The following NPRL3 variants were observed in gnomAD, a reference collection of about 807,000 sequenced individuals.
NPRL3 encodes the protein NPR3 like, GATOR1 complex subunit, also known as GATOR1 complex protein NPRL3.
NPRL3 carries 23 observed loss-of-function variants against 57.2 expected under a neutral mutation model. The observed-to-expected ratio is 0.40, with a 90% confidence interval of 0.29 to 0.57. The LOEUF (loss-of-function observed/expected upper bound fraction) is 0.57. Ranked by LOEUF, NPRL3 falls within the 20% of genes least tolerant of loss-of-function variation. The pLI, the probability that NPRL3 is intolerant of heterozygous loss-of-function variation, is 0.42. For missense variants in NPRL3, 691 were observed against 767.1 expected, an observed-to-expected ratio of 0.90 and a Z score of 1.17; for synonymous variants, 333 against 321.1, an observed-to-expected ratio of 1.04 and a Z score of -0.39.
chr16:91,282 G>A (rs1850586507), intron 11 of NPRL3, among the ~76,000 whole-genome samples: 1 of 152,196 alleles, frequency 6.6e-6, no homozygotes, highest in South Asian at 2.1e-4. Context: ...GGGAGGGTGA[G>A]GCAGGAGATT....
At position 98,128 on chromosome 16, in the gene NPRL3, G is replaced by A. The variant is rs756427551; in HGVS notation, c.924+17C>T. ...AGCACCGCCACATGCCACCCATCTG[G>A]GCCTCCAGAGCTATACCTGCAGCAA... On this transcript the variant is annotated intron_variant, in intron 9 of 13. Coordinates refer to ENST00000611875, the MANE Select transcript of NPRL3 (RefSeq NM_001077350.3). 5 of 1,609,850 alleles carry A rather than the reference G, an allele frequency of 3.1e-6. No homozygotes were observed. Among genetic ancestry groups the A allele is most frequent in the African/African-American group, 2.7e-5 (2 of 74,860 alleles).
intron 3 of NPRL3, among the ~76,000 whole-genome samples, chr16:128,223 G>T (rs923338385): frequency 1.3e-5 from 2 of 152,178 alleles, no homozygotes; most frequent in Non-Finnish European, 2.9e-5. Context: ...GACCTCAGGT[G>T]ATCCATCTGC....
chr16:112,496 G>C lies in NPRL3; in HGVS notation c.547+126C>G, dbSNP rs181078324. On this transcript the variant is annotated intron_variant, in intron 6 of 13. Transcript: ENST00000611875. ...CTCCTGACTGCTCTGCTGGTGTTGGGGTGGGTGAGGCCCCGCCAACATCTG... is the reference window on the plus strand; with the variant it reads ...CTCCTGACTGCTCTGCTGGTGTTGGCGTGGGTGAGGCCCCGCCAACATCTG... The C allele has an allele frequency of 7.5e-4, 687 of 919,646 alleles. 3 individuals are homozygous for C. In the African/African-American group the frequency reaches 0.01, roughly 14 times the overall value. The allele number at this position is 919,646 out of a possible 1,614,324, so 57.0% of individuals were successfully genotyped here. A position where few individuals can be genotyped will look rare whatever the true frequency, so the allele number is the denominator to read the frequency against.
chr16:119,349 T>C (rs1900189374), intron 3 of NPRL3, 94 bp from the exon 4 acceptor site: 4 of 1,255,976 alleles, frequency 3.2e-6, no homozygotes, highest in Non-Finnish European at 4.5e-6. Context: ...CTCAGTAAAC[T>C]GCACCTTCAT....
In NPRL3 at chr16:96,998, G is replaced by A. The variant is rs1899038331; in HGVS notation, c.924+1147C>T. Among the ~76,000 whole-genome samples, 6 of 152,314 alleles carry A rather than the reference G, an allele frequency of 3.9e-5. 1 individual carries two copies. In the South Asian group the frequency reaches 1.2e-3, roughly 32 times the overall value. ...CCTGTTTCACAGGCCAAAAGAGCAT[G>A]GAAGCTCAGCCAGAGGGACCCAGGC... is the stretch of plus-strand genomic sequence containing the variant. On this transcript the variant is annotated intron_variant, in intron 9 of 13. Transcript: ENST00000611875.
chr16:108,135 C>T (rs1899614625), intron 7 of NPRL3, among the ~76,000 whole-genome samples: 1 of 152,120 alleles, frequency 6.6e-6, no homozygotes, highest in African/African-American at 2.4e-5. Flanking sequence ...CCCAGGGTCA[C>T]CAAGAGACAA....
intron 7 of NPRL3, among the ~76,000 whole-genome samples, chr16:110,042 G>A (rs1196734232): frequency 2.0e-5 from 3 of 152,180 alleles, no homozygotes; most frequent in African/African-American, 4.8e-5. Flanking sequence ...TTGGGAGGCC[G>A]AGGCGGGTGG....
intron 8 of NPRL3, 35 bp downstream of exon 8, chr16:100,337 T>G: frequency 1.4e-6 from 2 of 1,447,182 alleles, no homozygotes; most frequent in Admixed American, 5.3e-5. Context: ...GGAAGGGCCC[T>G]GGCAGGGAGT....
At chr16:107,480 C>T (rs568893017) in intron 7 of NPRL3, among the ~76,000 whole-genome samples, 2 of 151,390 alleles carry the variant, frequency 1.3e-5, no homozygotes, top group Non-Finnish European at 2.9e-5. Context: ...CCCATCTCTA[C>T]TAAAAATACA....
In NPRL3 at chr16:86,794, G is replaced by T; in HGVS notation, c.1621C>A (p.Leu541Ile). The T allele has an allele frequency of 6.2e-7, 1 of 1,610,876 alleles. No individual in the cohort carries two copies. ...CTGCGGAACTTGTCAAACAGCATGA[G>T]CAGCTGGGAGCGCCGCGTGTTCTCG... ...YNENTRRSQL[L>I]MLFDKFRSVL... Residue 541 changes from leucine (L) to isoleucine (I), a missense_variant, in exon 14 of 14, where the codon CTC becomes ATC. Coordinates refer to ENST00000611875, the MANE Select transcript of NPRL3 (RefSeq NM_001077350.3).
chr16:89,050 T>C, intron 12 of NPRL3, 160 bp from the exon 13 acceptor site: 1 of 668,420 alleles, frequency 1.5e-6, no homozygotes. Context: ...ACCTCCTGGG[T>C]GTGACACGCC....
chr16:135,869 G>GA (rs1189633507), intron 2 of NPRL3, among the ~76,000 whole-genome samples: 7 of 151,384 alleles, frequency 4.6e-5, no homozygotes, highest in African/African-American at 1.2e-4. Flanking sequence ...AATCTATAAG[G>GA]AAAAAAAATC....
At position 117,929 on chromosome 16, in the gene NPRL3, T is replaced by C. The variant is rs146773940; in HGVS notation, c.319-554A>G. 4.8e-3 allele frequency among the ~76,000 whole-genome samples: 726 copies of C among 152,354 alleles called. 4 individuals carry two copies. Among genetic ancestry groups the C allele is most frequent in the African/African-American group, 0.016 (686 of 41,580 alleles). On this transcript the variant is annotated intron_variant, in intron 4 of 13. Transcript: ENST00000611875. ...ACTCTTCAAAGCCAACTACAAGTTCTGCCACCAGGGGGAGTTGGGGCCCCA... is the reference window on the plus strand; with the variant it reads ...ACTCTTCAAAGCCAACTACAAGTTCCGCCACCAGGGGGAGTTGGGGCCCCA...
At chr16:107,419 C>T (rs199877706) in intron 7 of NPRL3, among the ~76,000 whole-genome samples, 1 of 151,874 alleles carries the variant, frequency 6.6e-6, no homozygotes, top group Non-Finnish European at 1.5e-5. Context: ...CCGAGCCGGG[C>T]GGATCTACAA....
intron 13 of NPRL3, among the ~76,000 whole-genome samples, chr16:87,600 T>A (rs1437535090): frequency 6.7e-6 from 1 of 149,226 alleles, no homozygotes; most frequent in East Asian, 2.0e-4. Context: ...AGTGGCGCGA[T>A]CTGGGCTCAC....
intron 3 of NPRL3, among the ~76,000 whole-genome samples, chr16:127,397 G>A (rs1376869910): frequency 6.6e-6 from 1 of 151,948 alleles, no homozygotes; most frequent in East Asian, 1.9e-4. Context: ...CACCAACCCA[G>A]CTAATTTTTG....
At chr16:93,024 A>G (rs907356200) in intron 10 of NPRL3, 195 bp downstream of exon 10, 5 of 619,594 alleles carry the variant, frequency 8.1e-6, no homozygotes. Context: ...CAGGAGAGCC[A>G]CAGAGCACAG....
In NPRL3 at chr16:88,764, T is replaced by A. The variant is rs1164696887; in HGVS notation, c.1478A>T (p.His493Leu). 1 of 1,613,708 alleles carries A rather than the reference T, an allele frequency of 6.2e-7. No individual in the cohort carries two copies. The highest frequency in any genetic ancestry group is 1.3e-5 in the African/African-American group (1 of 74,930). ...TENLLASLSE[H>L]ERAAILSVPA... ...TACACTGAGGATGGCTGCGCGTTCA[T>A]GCTCCGACAGGCTGGCCAGCAGGTT... Residue 493 changes from histidine (H) to leucine (L), a missense_variant, in exon 13 of 14, where the codon CAT (histidine) becomes CTT (leucine). By Grantham distance (99) the His-to-Leu change is moderately conservative. Coordinates refer to ENST00000611875, the MANE Select transcript of NPRL3 (RefSeq NM_001077350.3).
chr16:118,789 G>A (rs937224297), intron 4 of NPRL3, among the ~76,000 whole-genome samples: 14 of 152,226 alleles, frequency 9.2e-5, no homozygotes, highest in Non-Finnish European at 1.3e-4. Flanking sequence ...CAGGCCTGCC[G>A]GCCCAGGGAG....
Sources: gnomAD v4.1 joint callset for allele counts (sites outside exome capture counted in the v4.1 genomes callset) on GRCh38, gnomAD v4.1.1 for gene constraint, MANE v1.5 for transcripts, NCBI Gene and HGNC (gene_info 2026-07-23, HGNC 2026-07-21) for gene names.